Variants in AFF2 observed in about 807,000 individuals in gnomAD.
The protein encoded by AFF2 is ALF transcription elongation factor 2.
In AFF2, 14 loss-of-function variants were observed where a neutral mutation model predicts 76.9. The observed-to-expected ratio is 0.18, with a 90% confidence interval of 0.12 to 0.28. The LOEUF is 0.28. AFF2 is among the 10% of genes least tolerant of loss of function. The pLI is 1.00. For synonymous variants in AFF2, 398 were observed against 366.7 expected (o/e 1.09, Z -0.98); for missense variants, 868 against 1,001.1 (o/e 0.87, Z 1.79).
chrX:148,952,205 C>G (rs1318456327), intron 9 of AFF2, among the ~76,000 whole-genome samples: 1 of 111,261 alleles, frequency 9.0e-6, no homozygotes, highest in Admixed American at 9.5e-5. Context: ...GTCATGAACT[C>G]GTTTGGGTTC....
At chrX:148,945,335 A>C (rs1387975407) in intron 9 of AFF2, among the ~76,000 whole-genome samples, 1 of 112,598 alleles carries the variant, frequency 8.9e-6, no homozygotes, top group Non-Finnish European at 1.9e-5. Flanking sequence ...GTCAGATTAA[A>C]AATGATACAA....
chrX:148,702,841 C>T (rs1315106884), intron 3 of AFF2, among the ~76,000 whole-genome samples: 8 of 112,147 alleles, frequency 7.1e-5, no homozygotes, highest in African/African-American at 2.3e-4. Context: ...CAATAGCATA[C>T]GGTTATGATT....
intron 14 of AFF2, 110 bp downstream of exon 14, chrX:148,967,189 C>G (rs1557288912): frequency 8.3e-6 from 9 of 1,084,252 alleles, no homozygotes; most frequent in Non-Finnish European, 6.1e-6. Flanking sequence ...ACCTCAGCAT[C>G]AAATCCTATA....
chrX:148,722,881 C>T (rs2055110601), intron 3 of AFF2, among the ~76,000 whole-genome samples: 1 of 110,978 alleles, frequency 9.0e-6, no homozygotes, highest in Non-Finnish European at 1.9e-5. Flanking sequence ...TCCTTTCTCT[C>T]CCTTTACCAT....
chrX:148,909,445 T>A (rs1447802003), intron 9 of AFF2, among the ~76,000 whole-genome samples: 2 of 111,882 alleles, frequency 1.8e-5, no homozygotes, highest in Admixed American at 9.5e-5. Flanking sequence ...TTTCTAAAAG[T>A]TTTGCCTCCC....
chrX:148,566,658 C>T (rs1381267871), intron 1 of AFF2, among the ~76,000 whole-genome samples: 1 of 110,479 alleles, frequency 9.1e-6, no homozygotes, highest in East Asian at 2.9e-4. Context: ...GTTGAAACAC[C>T]AGATGAGCCA....
chrX:148,842,516 A>G (rs1211561010), intron 5 of AFF2, among the ~76,000 whole-genome samples: 1 of 112,492 alleles, frequency 8.9e-6, no homozygotes. Flanking sequence ...AAAACTGGGC[A>G]GATCTATTAA....
In AFF2 at chrX:148,997,067, G is replaced by C. The variant is rs1317763727; in HGVS notation, c.*5735G>C. The C allele has an allele frequency of 1.8e-5, 2 of 111,751 alleles. No homozygotes were observed. The highest frequency in any genetic ancestry group is 6.5e-5 in the African/African-American group (2 of 30,638). The allele number at this position is 111,751 out of a possible 1,213,427, so 9.2% of individuals were successfully genotyped here. On this transcript the variant is annotated 3_prime_UTR_variant, in exon 21 of 21. Transcript: ENST00000370460. ...CATAAGAATTTTACTTTAGTTATTA[G>C]GGAATCTAAGTTTTTTGTTAACATT...
chrX:148,604,717 G>A (rs1395875625), intron 1 of AFF2, among the ~76,000 whole-genome samples: 3 of 112,062 alleles, frequency 2.7e-5, no homozygotes, highest in Non-Finnish European at 3.8e-5. Context: ...GGAAATCAAT[G>A]GGAAAATGCC....
chrX:148,622,137 C>T (rs2053875009), intron 1 of AFF2, among the ~76,000 whole-genome samples: 1 of 111,979 alleles, frequency 8.9e-6, no homozygotes, highest in African/African-American at 3.2e-5. Flanking sequence ...ATGCAAACAG[C>T]AGTTGAGGCA....
chrX:148,652,691 A>T (rs1163556148), intron 2 of AFF2, among the ~76,000 whole-genome samples: 1 of 111,731 alleles, frequency 9.0e-6, no homozygotes, highest in Non-Finnish European at 1.9e-5. Flanking sequence ...GGGGTAGTAT[A>T]GCTAGGTTGA....
intron 3 of AFF2, among the ~76,000 whole-genome samples, chrX:148,696,423 A>T (rs2054723211): frequency 9.0e-6 from 1 of 110,865 alleles, no homozygotes; most frequent in South Asian, 3.9e-4. Context: ...TGTTGTGCAC[A>T]TGTACCCTAA....
intron 1 of AFF2, among the ~76,000 whole-genome samples, chrX:148,565,288 ATTTTAT>A (rs2053156632): frequency 9.0e-6 from 1 of 111,299 alleles, no homozygotes; most frequent in African/African-American, 3.3e-5. Flanking sequence ...TTTCCCCTGT[ATTTTAT>A]TTTTCTTAGG....
At chrX:148,809,302 AG>A (rs1557271585) in intron 3 of AFF2, among the ~76,000 whole-genome samples, 1 of 111,872 alleles carries the variant, frequency 8.9e-6, no homozygotes, top group Non-Finnish European at 1.9e-5. Flanking sequence ...CATTTCTGCT[AG>A]TGACTTGAAT....
chrX:148,507,473 T>G (rs1603224210), intron 1 of AFF2, among the ~76,000 whole-genome samples: 1 of 111,966 alleles, frequency 8.9e-6, no homozygotes, highest in Non-Finnish European at 1.9e-5. Flanking sequence ...TAATAAAGAA[T>G]GTGTAACAAA....
chrX:148,600,783 G>T (rs1557247971), intron 1 of AFF2, among the ~76,000 whole-genome samples: 1 of 112,092 alleles, frequency 8.9e-6, no homozygotes, highest in Non-Finnish European at 1.9e-5. Flanking sequence ...AACTCCCTGT[G>T]CCTGCTCCCA....
chrX:148,865,880 A>C (rs1413448296), intron 7 of AFF2, among the ~76,000 whole-genome samples: 2 of 111,886 alleles, frequency 1.8e-5, no homozygotes, highest in Non-Finnish European at 3.8e-5. Flanking sequence ...TCAGAACTTC[A>C]CTTGAGTTTA....
rs1342362823 is a variant in AFF2, at chrX:148,732,350, T to G, written c.1041+69582T>G. Among the ~76,000 whole-genome samples, 869 of 93,879 alleles carry G rather than the reference T, an allele frequency of 9.3e-3. 21 individuals carry two copies. Among genetic ancestry groups the G allele is most frequent in the African/African-American group, 0.033 (821 of 25,031 alleles). The allele number at this position is 93,879 out of a possible 115,157, so 81.5% of individuals were successfully genotyped here. A position where few individuals can be genotyped will look rare whatever the true frequency, so the allele number is the denominator to read the frequency against. On this transcript the variant is annotated intron_variant, in intron 3 of 20. Coordinates refer to ENST00000370460, the MANE Select transcript of AFF2 (RefSeq NM_002025.4). ...CAAAAAAACCAAACACCGCATATTC[T>G]CACTCATAGGTGGGAATTGAACAAT...
intron 9 of AFF2, among the ~76,000 whole-genome samples, chrX:148,915,302 A>G (rs2071515132): frequency 8.9e-6 from 1 of 112,674 alleles, no homozygotes; most frequent in African/African-American, 3.2e-5. Flanking sequence ...ACTCTATATC[A>G]GCATACCCTC....
Sources: allele counts gnomAD v4.1 joint callset (sites outside exome capture counted in the v4.1 genomes callset), GRCh38; gene constraint gnomAD v4.1.1; transcripts MANE v1.5; gene names NCBI Gene and HGNC (gene_info 2026-07-23, HGNC 2026-07-21).